The following ZNF462 variants were observed in gnomAD, a reference collection of about 807,000 sequenced individuals.
ZNF462 encodes the protein zinc finger PBX1-interacting protein.
Under a neutral mutation model 201.9 loss-of-function variants are expected in ZNF462, and 10 were observed. The ratio of observed to expected loss-of-function variants is 0.05; its 90% CI spans 0.03 to 0.08. ZNF462 has a LOEUF of 0.08. ZNF462 is among the 10% of genes least tolerant of loss of function. The pLI, the probability that ZNF462 is intolerant of heterozygous loss-of-function variation, is 1.00. For synonymous variants in ZNF462, 1,227 were observed against 1,193.3 expected (o/e 1.03, Z -0.58); for missense variants, 2,523 against 3,168.3 (o/e 0.80, Z 4.89).
rs1039563643 is a variant in ZNF462, at chr9:106,928,938, G to A, written c.5026G>A (p.Ala1676Thr). The A allele has an allele frequency of 6.2e-7, 1 of 1,613,900 alleles. No individual in the cohort carries two copies. Among genetic ancestry groups the A allele is most frequent in the African/African-American group, 1.3e-5 (1 of 74,890 alleles). ...CTTCTGCTCCACGAGGAAGGGGATC[G>A]CCAGGCACTACCGCATCAAGCACAA... ...KYFCSTRKGI[A>T]RHYRIKHNNV... Residue 1676 changes from alanine (A) to threonine (T), a missense_variant, in exon 3 of 13, where the codon GCC becomes ACC. By Grantham distance (58) the Ala-to-Thr change is moderately conservative. Coordinates refer to ENST00000277225, the MANE Select transcript of ZNF462 (RefSeq NM_021224.6). This position sits in a 1 kb window ranked among gnomAD's most constrained non-coding sequence, Gnocchi z 9.3.
chr9:106,926,887 C>T lies in ZNF462; in HGVS notation c.2975C>T (p.Thr992Ile). ...NSAPKNMATS[T>I]PVARGGGLPA... The stretch of plus-strand genomic sequence containing the variant: ...GCTCCCAAGAACATGGCGACTTCCA[C>T]ACCTGTGGCTCGTGGTGGTGGTTTG... The change falls in exon 3 of 13, where the codon ACA (threonine) becomes ATA (isoleucine). Residue 992 changes from threonine (T) to isoleucine (I), a missense_variant. Around this residue, in one of 15 missense-constraint regions of ZNF462, gnomAD observed 280 missense variants for 321.3 expected, o/e 0.87. Coordinates refer to ENST00000277225, the MANE Select transcript of ZNF462 (RefSeq NM_021224.6). The surrounding 1 kb of genome is among the most constrained non-coding windows in gnomAD (Gnocchi z 7.9). The T allele has an allele frequency of 6.2e-7, 1 of 1,614,162 alleles. No individual in the cohort carries two copies. Among genetic ancestry groups the T allele is most frequent in the Non-Finnish European group, 8.5e-7 (1 of 1,180,030 alleles).
chr9:106,992,810 A>G (rs78040522), intron 10 of ZNF462, among the ~76,000 whole-genome samples: 2,724 of 152,190 alleles, frequency 0.018, 78 homozygotes, highest in African/African-American at 0.062. Flanking sequence ...GTTTACTTAT[A>G]ATAGATAAAT....
intron 1 of ZNF462, among the ~76,000 whole-genome samples, chr9:106,891,998 C>T (rs80333687): frequency 6.6e-6 from 1 of 152,094 alleles, no homozygotes; most frequent in African/African-American, 2.4e-5. Flanking sequence ...ATACAAATTC[C>T]CTAATGACAA....
intron 1 of ZNF462, among the ~76,000 whole-genome samples, chr9:106,871,496 T>TGG (rs1410230290): frequency 6.6e-6 from 1 of 152,202 alleles, no homozygotes; most frequent in African/African-American, 2.4e-5. Context: ...GTCTGTCCAC[T>TGG]GGGGAAGATC....
At chr9:106,982,251 T>G (rs1827491639) in intron 9 of ZNF462, among the ~76,000 whole-genome samples, 1 of 152,184 alleles carries the variant, frequency 6.6e-6, no homozygotes, top group Non-Finnish European at 1.5e-5. Context: ...CAGAGTGTGT[T>G]AGTCTGCAGG....
chr9:107,009,337 G>T lies in ZNF462; in HGVS notation c.7190-208G>T. The T allele has an allele frequency of 1.7e-6, 1 of 592,784 alleles. No individual in the cohort carries two copies. Among genetic ancestry groups the T allele is most frequent in the Non-Finnish European group, 2.8e-6 (1 of 359,336 alleles). 36.7% of individuals were successfully genotyped at this position (592,784 alleles called of 1,614,324 possible). On this transcript the variant is annotated intron_variant, in intron 11 of 12. Transcript: ENST00000277225. This position sits in a 1 kb window ranked among gnomAD's most constrained non-coding sequence, Gnocchi z 6.1. ...GGGAGGTGAGGCGAAATGAGGTCTT[G>T]GGGCCCAAGAACCAGAAACAGTTCT...
At chr9:106,992,447 G>A (rs145588861) in intron 10 of ZNF462, among the ~76,000 whole-genome samples, 4 of 152,156 alleles carry the variant, frequency 2.6e-5, no homozygotes, top group Admixed American at 6.6e-5. Context: ...TTGTTTATAA[G>A]TTAAACGTAC....
chr9:107,004,554 C>T (rs546799147), intron 11 of ZNF462, among the ~76,000 whole-genome samples: 1 of 151,990 alleles, frequency 6.6e-6, no homozygotes, highest in Admixed American at 6.5e-5. Flanking sequence ...TTTTTTTTAA[C>T]TTTAAAACTT....
At chr9:106,948,409 A>G (rs898693235) in intron 7 of ZNF462, among the ~76,000 whole-genome samples, 2 of 152,208 alleles carry the variant, frequency 1.3e-5, no homozygotes, top group East Asian at 1.9e-4. Flanking sequence ...TCAACAAGGA[A>G]TGTGCAATGA....
chr9:106,929,315 C>T lies in ZNF462; in HGVS notation c.5403C>T (p.Ser1801=), dbSNP rs1303241839. Residue 1801 remains serine, a synonymous_variant, in exon 3 of 13, where the codon AGC becomes AGT. Transcript: ENST00000277225. This position sits in a 1 kb window ranked among gnomAD's most constrained non-coding sequence, Gnocchi z 8.7. ...PGVFPKKQHA[S]KLGGYFTAVY... is the part of the protein sequence containing the mutation. ...TGTTCCCAAAGAAGCAGCACGCCAG[C>T]AAGTTGGGGGGCTACTTCACGGCCG... 4.3e-6 allele frequency: 7 copies of T among 1,614,028 alleles called. No individual in the cohort carries two copies. Among genetic ancestry groups the T allele is most frequent in the East Asian group, 4.5e-5 (2 of 44,884 alleles).
At chr9:106,973,376 C>T (rs1182864562) in intron 8 of ZNF462, among the ~76,000 whole-genome samples, 4 of 151,894 alleles carry the variant, frequency 2.6e-5, no homozygotes, top group African/African-American at 4.8e-5. Context: ...TTTGATGGAA[C>T]GTGTGTTCTA....
At chr9:106,861,460 C>T (rs558282855), upstream of ZNF462, among the ~76,000 whole-genome samples, 1 of 152,332 alleles carries the variant, frequency 6.6e-6, no homozygotes, top group South Asian at 2.1e-4. Flanking sequence ...CGGATGCGCG[C>T]TCCTCAATGC....
chr9:106,942,010 G>T (rs1830893998), intron 7 of ZNF462, among the ~76,000 whole-genome samples: 1 of 152,176 alleles, frequency 6.6e-6, no homozygotes, highest in African/African-American at 2.4e-5. Context: ...TGGGGCTATT[G>T]GCTCACAGTT....
intron 10 of ZNF462, among the ~76,000 whole-genome samples, chr9:106,996,977 AC>A (rs1828780846): frequency 6.6e-6 from 1 of 152,156 alleles, no homozygotes; most frequent in South Asian, 2.1e-4. Context: ...TCAGCATGTT[AC>A]TTGCTTGATA....
At position 106,872,133 on chromosome 9, in the gene ZNF462, C is replaced by T. The variant is rs1827619932; in HGVS notation, c.-31+8778C>T. On this transcript the variant is annotated intron_variant, in intron 1 of 12. Coordinates refer to ENST00000277225, the MANE Select transcript of ZNF462 (RefSeq NM_021224.6). This position sits in a 1 kb window ranked among gnomAD's most constrained non-coding sequence, Gnocchi z 4.5. Reference sequence around the variant, plus strand: ...TGACTAATTAGTCAGCAATTGAGCACCAATCATTCAACCCAGATTGCCATG... The same window carrying T: ...TGACTAATTAGTCAGCAATTGAGCATCAATCATTCAACCCAGATTGCCATG... 6.6e-6 allele frequency among the ~76,000 whole-genome samples: 1 copy of T among 152,144 alleles called. No homozygotes were observed. Among genetic ancestry groups the T allele is most frequent in the Non-Finnish European group, 1.5e-5 (1 of 68,020 alleles).
intron 7 of ZNF462, among the ~76,000 whole-genome samples, chr9:106,945,141 ACTC>A (rs574568299): frequency 2.0e-4 from 31 of 152,282 alleles, no homozygotes; most frequent in African/African-American, 7.5e-4. Context: ...CATATGGAAT[ACTC>A]CTAGATGTCA....
rs62568585 is a variant in ZNF462 at position 106,864,105 on chromosome 9, T to C, written c.-31+750T>C. ...CTCTCTCTCTCTCTCTCTCTCTCTC[T>C]CTCTCCCTCTCCCCGAAGTTGGGAT... On this transcript the variant is annotated intron_variant, in intron 1 of 12. Coordinates refer to ENST00000277225, the MANE Select transcript of ZNF462 (RefSeq NM_021224.6). Among the ~76,000 whole-genome samples, 949 of 107,866 alleles carry C rather than the reference T, an allele frequency of 8.8e-3. 11 individuals carry two copies. The highest frequency in any genetic ancestry group is 9.1e-3 in the Non-Finnish European group (472 of 51,868). The allele number at this position is 107,866 out of a possible 152,430, so 70.8% of individuals were successfully genotyped here.
chr9:106,928,600 T>C lies in ZNF462; in HGVS notation c.4688T>C (p.Val1563Ala). The C allele has an allele frequency of 1.9e-6, 3 of 1,614,092 alleles. No individual in the cohort carries two copies. The highest frequency in any genetic ancestry group is 2.5e-6 in the Non-Finnish European group (3 of 1,180,016). Residue 1563 changes from valine to alanine, a missense_variant, in exon 3 of 13, where the codon GTG becomes GCG. This residue lies in a region of ZNF462 where 200 missense variants were observed against 281.3 expected (regional missense o/e 0.71). Coordinates refer to ENST00000277225, the MANE Select transcript of ZNF462 (RefSeq NM_021224.6). This position sits in a 1 kb window ranked among gnomAD's most constrained non-coding sequence, Gnocchi z 9.3. ...EQSADISQND[V>A]EETSRIFKQG... ...TCTGCTGACATATCCCAGAATGACG[T>C]GGAGGAGACGAGCAGGATCTTCAAG...
chr9:106,926,717 G>T lies in ZNF462; in HGVS notation c.2805G>T (p.Pro935=). ...GTCGGTTTTGTTCATACACGAGCCC[G>T]AATGTTAGAAGCCTGATGCCACATT... is the stretch of plus-strand genomic sequence containing the variant. ...YRCRFCSYTS[P]NVRSLMPHYQ... The change falls in exon 3 of 13, where the codon CCG becomes CCT. Residue 935 remains proline (P), a synonymous_variant. Coordinates refer to ENST00000277225, the MANE Select transcript of ZNF462 (RefSeq NM_021224.6). The surrounding 1 kb of genome is among the most constrained non-coding windows in gnomAD (Gnocchi z 7.9). 6.2e-7 allele frequency: 1 copy of T among 1,614,056 alleles called. No homozygotes were observed. The highest frequency in any genetic ancestry group is 1.6e-4 in the Middle Eastern group (1 of 6,062).
Sources: gnomAD v4.1 joint callset for allele counts (sites outside exome capture counted in the v4.1 genomes callset) on GRCh38, gnomAD v4.1.1 for gene constraint, gnomAD v4.1.1 regional missense constraint, Gnocchi (gnomAD v3.1) non-coding constraint, MANE v1.5 for transcripts, NCBI Gene and HGNC (gene_info 2026-07-23, HGNC 2026-07-21) for gene names.